CDH13: variants seen among roughly 807,000 people sequenced by gnomAD.
CDH13 encodes the protein cadherin 13, also known as cadherin-13.
Under a neutral mutation model 63.8 loss-of-function variants are expected in CDH13, and 24 were observed. The ratio of observed to expected loss-of-function variants is 0.38; its 90% confidence interval spans 0.27 to 0.53. The LOEUF is 0.53. CDH13 is among the 20% of genes least tolerant of loss of function. CDH13 has a pLI of 0.85. For synonymous variants in CDH13, 503 were observed against 355.3 expected, an observed-to-expected ratio of 1.42 and a Z score of -4.67; for missense variants, 1,049 against 903.1, an observed-to-expected ratio of 1.16 and a Z score of -2.07.
intron 6 of CDH13, among the ~76,000 whole-genome samples, chr16:83,425,919 C>T (rs2130161): frequency 0.93 from 141,118 of 152,300 alleles, 65,434 homozygotes; most frequent in East Asian, 1. Context: ...TGAACCACCC[C>T]AATTAAGCTT....
At chr16:82,880,606 T>G (rs2040668784) in intron 2 of CDH13, among the ~76,000 whole-genome samples, 1 of 152,234 alleles carries the variant, frequency 6.6e-6, no homozygotes, top group Admixed American at 6.5e-5. Context: ...GGCCAGCTGC[T>G]ACTCTAATAG....
intron 2 of CDH13, among the ~76,000 whole-genome samples, chr16:83,027,433 G>A (rs1423914038): frequency 6.6e-6 from 1 of 152,164 alleles, no homozygotes; most frequent in Non-Finnish European, 1.5e-5. Context: ...GGGTGAAGAA[G>A]GTGAGAAATG....
intron 5 of CDH13, among the ~76,000 whole-genome samples, chr16:83,261,705 C>CTTTT (rs34277110): frequency 2.5e-3 from 368 of 144,650 alleles, no homozygotes; most frequent in African/African-American, 8.2e-3. Context: ...TTATTTTCCT[C>CTTTT]TTTTTTTTTT....
intron 1 of CDH13, among the ~76,000 whole-genome samples, chr16:82,837,086 C>G (rs1017336284): frequency 3.0e-4 from 46 of 152,162 alleles, no homozygotes; most frequent in African/African-American, 1.1e-3. Context: ...GGAAGTCAAA[C>G]AAATATGCAA....
At position 83,769,749 on chromosome 16, in the gene CDH13, TTGAC is replaced by T. The variant is rs1225382301; in HGVS notation, c.1682-10216_1682-10213del. Among the ~76,000 whole-genome samples, 7 of 152,250 alleles carry T rather than the reference TTGAC, an allele frequency of 4.6e-5. No homozygotes were observed. The East Asian group carries it at 1.4e-3, about 29-fold the overall frequency. On this transcript the variant is annotated intron_variant, in intron 11 of 13. Coordinates refer to ENST00000567109, the MANE Select transcript of CDH13 (RefSeq NM_001257.5). ...GTGGAGATGTGCTTTGATCTGCAAA[TTGAC>T]TGTCAATTCTGGAGAAGAGATCACT...
chr16:83,043,132 T>G (rs985737906), intron 3 of CDH13, among the ~76,000 whole-genome samples: 2 of 152,210 alleles, frequency 1.3e-5, no homozygotes, highest in Non-Finnish European at 2.9e-5. Flanking sequence ...AATTGTTATG[T>G]TTATGTGGCT....
At chr16:83,304,188 C>T (rs1225981247) in intron 5 of CDH13, among the ~76,000 whole-genome samples, 1 of 152,084 alleles carries the variant, frequency 6.6e-6, no homozygotes, top group African/African-American at 2.4e-5. Flanking sequence ...TCTTACCAGC[C>T]ATAAGAAATG....
chr16:83,376,963 A>C (rs2091471112), intron 6 of CDH13, among the ~76,000 whole-genome samples: 1 of 152,140 alleles, frequency 6.6e-6, no homozygotes, highest in Non-Finnish European at 1.5e-5. Flanking sequence ...GGAGATGCTC[A>C]AGCTATATGA....
At chr16:83,132,420 T>C (rs2036091714) in intron 4 of CDH13, among the ~76,000 whole-genome samples, 1 of 145,106 alleles carries the variant, frequency 6.9e-6, no homozygotes, top group African/African-American at 2.5e-5. Context: ...TCTGCTTAAT[T>C]TCTACCCCCC....
chr16:83,530,581 G>A (rs1025513423), intron 7 of CDH13, among the ~76,000 whole-genome samples: 1 of 152,168 alleles, frequency 6.6e-6, no homozygotes, highest in South Asian at 2.1e-4. Flanking sequence ...CTATAACCCA[G>A]CACCCAGGCT....
At chr16:83,684,863 T>A (rs1904288834) in intron 10 of CDH13, among the ~76,000 whole-genome samples, 1 of 152,182 alleles carries the variant, frequency 6.6e-6, no homozygotes, top group Non-Finnish European at 1.5e-5. Context: ...TGACAGTGGC[T>A]CAGAGCAGAC....
At chr16:83,383,397 G>A (rs530879899) in intron 6 of CDH13, among the ~76,000 whole-genome samples, 2 of 152,096 alleles carry the variant, frequency 1.3e-5, no homozygotes, top group East Asian at 1.9e-4. Flanking sequence ...CCAGATCATC[G>A]ATCTTGTGAT....
chr16:82,933,818 A>C (rs1388719058), intron 2 of CDH13, among the ~76,000 whole-genome samples: 1 of 152,328 alleles, frequency 6.6e-6, no homozygotes, highest in East Asian at 1.9e-4. Flanking sequence ...TTAACTCTTA[A>C]AGCTCCAAAA....
chr16:83,252,993 T>C (rs890640292), intron 5 of CDH13, among the ~76,000 whole-genome samples: 1 of 152,092 alleles, frequency 6.6e-6, no homozygotes, highest in Non-Finnish European at 1.5e-5. Flanking sequence ...TTATACCTAT[T>C]TTATAGGGTA....
chr16:83,160,777 C>T (rs1268694315), intron 4 of CDH13, among the ~76,000 whole-genome samples: 1 of 152,200 alleles, frequency 6.6e-6, no homozygotes, highest in Non-Finnish European at 1.5e-5. Context: ...AACCTCCTGC[C>T]TGCACAACAA....
In CDH13 at chr16:83,631,228, A is replaced by G. The variant is rs574281572; in HGVS notation, c.1101+28634A>G. Among the ~76,000 whole-genome samples the G allele has an allele frequency of 5.3e-5, 8 of 152,334 alleles. No individual in the cohort carries two copies. In the East Asian group the frequency reaches 5.8e-4, roughly 11 times the overall value. ...AGAATTCTGCTCCTGGAAGAATTCT[A>G]TTTATGAGATGCTGCTGGAATTGAG... is the stretch of plus-strand genomic sequence containing the variant. On this transcript the variant is annotated intron_variant, in intron 8 of 13. Transcript: ENST00000567109.
chr16:83,129,414 G>A (rs1034024018), intron 4 of CDH13, among the ~76,000 whole-genome samples: 4 of 152,194 alleles, frequency 2.6e-5, no homozygotes, highest in Admixed American at 6.5e-5. Context: ...TCATTTCAGA[G>A]GTGGAGGAAA....
chr16:83,612,517 A>G (rs1452196947), intron 8 of CDH13, among the ~76,000 whole-genome samples: 1 of 152,054 alleles, frequency 6.6e-6, no homozygotes, highest in East Asian at 1.9e-4. Context: ...TAATGCAAGT[A>G]CAACATATTC....
chr16:82,803,812 A>G (rs2036997556), intron 1 of CDH13, among the ~76,000 whole-genome samples: 1 of 152,146 alleles, frequency 6.6e-6, no homozygotes, highest in Non-Finnish European at 1.5e-5. Flanking sequence ...GATTTGGGGG[A>G]GCAGAAAGGG....
Sources: allele counts gnomAD v4.1 joint callset (sites outside exome capture counted in the v4.1 genomes callset), GRCh38; gene constraint gnomAD v4.1.1; transcripts MANE v1.5; gene names NCBI Gene and HGNC (gene_info 2026-07-23, HGNC 2026-07-21).